Variants in STPG2 observed in about 807,000 individuals in gnomAD.
The protein encoded by STPG2 is sperm tail PG-rich repeat containing 2.
A neutral mutation model predicts 54.2 loss-of-function variants in STPG2; 56 were observed. The ratio of observed to expected loss-of-function variants is 1.03; its 90% CI spans 0.83 to 1.29. The LOEUF (loss-of-function observed/expected upper bound fraction) is 1.29. Among genes scored for constraint, STPG2 ranks in the 50% most tolerant of loss-of-function variants. The probability of loss-of-function intolerance (pLI) is 0.00; values close to 1 mark genes in which losing one functional copy is unlikely to be tolerated. For synonymous variants in STPG2, 200 were observed against 181.8 expected (o/e 1.10, Z -0.81); for missense variants, 596 against 544.9 (o/e 1.09, Z -0.93).
At chr4:98,037,045 A>G (rs1348931463) in intron 5 of STPG2, among the ~76,000 whole-genome samples, 1 of 152,082 alleles carries the variant, frequency 6.6e-6, no homozygotes, top group African/African-American at 2.4e-5. Flanking sequence ...GAAGTAATAG[A>G]CAAATATCTC....
intron 8 of STPG2, among the ~76,000 whole-genome samples, chr4:97,925,175 G>T (rs1732285683): frequency 6.6e-6 from 1 of 152,144 alleles, no homozygotes. Context: ...GTTCTGAATT[G>T]CATTCTCTTC....
intron 5 of STPG2, among the ~76,000 whole-genome samples, chr4:98,050,815 C>T (rs915454975): frequency 4.6e-5 from 7 of 151,812 alleles, no homozygotes; most frequent in African/African-American, 1.7e-4. Context: ...ACCATCCTGG[C>T]TAACATGGTG....
chr4:97,561,369 TG>T (rs1195319313), intron 10 of STPG2, among the ~76,000 whole-genome samples: 2 of 152,246 alleles, frequency 1.3e-5, no homozygotes, highest in Non-Finnish European at 2.9e-5. Flanking sequence ...ATAAGTAGTT[TG>T]CGAAAATTTT....
chr4:97,599,746 C>A (rs1420965569), intron 10 of STPG2, among the ~76,000 whole-genome samples: 1 of 150,340 alleles, frequency 6.7e-6, no homozygotes, highest in African/African-American at 2.5e-5. Context: ...ATGGCGTGAA[C>A]CTCGGAGGTG....
intron 10 of STPG2, among the ~76,000 whole-genome samples, chr4:97,585,887 T>A (rs544472149): frequency 8.0e-4 from 121 of 151,922 alleles, no homozygotes; most frequent in Middle Eastern, 6.8e-3. Context: ...TAAAAAAAAA[T>A]TTAAATAAAA....
In STPG2 at chr4:97,459,371, C is replaced by G. The variant is rs545079554; in HGVS notation, c.462+253328G>C. Among the ~76,000 whole-genome samples the G allele has an allele frequency of 8.6e-5, 13 of 151,594 alleles. No individual in the cohort carries two copies. In the South Asian group the frequency reaches 2.7e-3, roughly 32 times the overall value. On this transcript the variant is annotated intron_variant, in intron 4 of 4. Transcript: ENST00000522676. The stretch of plus-strand genomic sequence containing the variant: ...CGCTAATATTCTGGTTACAATTCAT[C>G]TTCCCTAGAAACAGAAGTCCTCTAT...
At chr4:97,711,963 C>T (rs1724138613) in intron 10 of STPG2, among the ~76,000 whole-genome samples, 1 of 151,998 alleles carries the variant, frequency 6.6e-6, no homozygotes, top group Admixed American at 6.6e-5. Context: ...GACACTGTGC[C>T]TGGCCTTAGA....
intron 10 of STPG2, among the ~76,000 whole-genome samples, chr4:97,709,043 C>T (rs1241772185): frequency 1.3e-5 from 2 of 151,642 alleles, no homozygotes; most frequent in Non-Finnish European, 3.0e-5. Context: ...TTTTCATATT[C>T]ATGGGATGTT....
At chr4:97,864,180 A>G (rs1729671796) in intron 8 of STPG2, among the ~76,000 whole-genome samples, 1 of 152,206 alleles carries the variant, frequency 6.6e-6, no homozygotes, top group Admixed American at 6.5e-5. Flanking sequence ...AGATGACATT[A>G]TTGTATATCT....
rs575386659 is a variant in STPG2, at chr4:97,664,735, C to T, written c.1320+47964G>A. ...ATGATAAAGCAGGATAGTTATGTCA[C>T]GGGATCCTTGGGGTGATGCTTCACC... On this transcript the variant is annotated intron_variant, in intron 10 of 10. Transcript: ENST00000295268. Among the ~76,000 whole-genome samples, 56 of 152,138 alleles carry T rather than the reference C, an allele frequency of 3.7e-4. No individual in the cohort carries two copies. In the South Asian group the frequency reaches 9.8e-3, roughly 26 times the overall value.
At chr4:97,490,803 C>T (rs1270713963) in intron 4 of STPG2, among the ~76,000 whole-genome samples, 1 of 151,538 alleles carries the variant, frequency 6.6e-6, no homozygotes, top group Non-Finnish European at 1.5e-5. Flanking sequence ...AGATTTAGGA[C>T]TTCCCATATC....
At chr4:97,907,607 A>G (rs1731490141) in intron 8 of STPG2, among the ~76,000 whole-genome samples, 1 of 152,162 alleles carries the variant, frequency 6.6e-6, no homozygotes, top group Non-Finnish European at 1.5e-5. Flanking sequence ...ATGCTACCTG[A>G]CTTCAAACTA....
intron 4 of STPG2, among the ~76,000 whole-genome samples, chr4:97,536,596 G>A (rs892128525): frequency 3.3e-5 from 5 of 152,162 alleles, no homozygotes; most frequent in South Asian, 2.1e-4. Context: ...TGCATACCAA[G>A]CAAGGAAGAG....
intron 2 of STPG2, among the ~76,000 whole-genome samples, chr4:98,131,128 C>T (rs1578185725): frequency 6.6e-6 from 1 of 151,670 alleles, no homozygotes; most frequent in African/African-American, 2.4e-5. Flanking sequence ...ATATTTTTTC[C>T]CATTCTTTTT....
intron 9 of STPG2, among the ~76,000 whole-genome samples, chr4:97,723,258 T>A (rs1169667395): frequency 1.3e-5 from 2 of 151,664 alleles, no homozygotes; most frequent in Non-Finnish European, 2.9e-5. Context: ...ACTTTTGGAG[T>A]TTTTAGTAAG....
At chr4:98,045,113 A>C (rs962428430) in intron 5 of STPG2, among the ~76,000 whole-genome samples, 1 of 150,982 alleles carries the variant, frequency 6.6e-6, no homozygotes, top group Admixed American at 6.6e-5. Flanking sequence ...AAAAAAAAAA[A>C]AGGAAAAACA....
intron 5 of STPG2, among the ~76,000 whole-genome samples, chr4:98,065,940 C>T (rs545829954): frequency 1.3e-5 from 2 of 151,868 alleles, no homozygotes. Context: ...AACAACTTTC[C>T]AAAATTGCTT....
intron 10 of STPG2, among the ~76,000 whole-genome samples, chr4:97,594,624 A>C (rs966433959): frequency 2.6e-5 from 4 of 152,208 alleles, no homozygotes; most frequent in Non-Finnish European, 4.4e-5. Context: ...AAAAGCCAAC[A>C]TTCACATTCA....
intron 10 of STPG2, chr4:97,633,583 G>C (rs574348759): frequency 2.0e-5 from 3 of 149,760 alleles, no homozygotes; most frequent in Non-Finnish European, 2.9e-5. Flanking sequence ...CTGAGGTACC[G>C]GGTTCATCTC....
Sources: gnomAD v4.1 joint callset for allele counts (sites outside exome capture counted in the v4.1 genomes callset) on GRCh38, gnomAD v4.1.1 for gene constraint, MANE v1.5 for transcripts, NCBI Gene and HGNC (gene_info 2026-07-23, HGNC 2026-07-21) for gene names.